The following PCDHA3 variants were observed in gnomAD, a reference collection of about 807,000 sequenced individuals.
PCDHA3 encodes the protein protocadherin alpha-3.
A neutral mutation model predicts 62.2 loss-of-function variants in PCDHA3; 41 were observed. The observed-to-expected ratio is 0.66, with a 90% CI of 0.51 to 0.86. PCDHA3 has a LOEUF of 0.86. Among genes scored for constraint, PCDHA3 ranks in the 40% least tolerant of loss-of-function variants. The pLI is 0.00. For missense variants in PCDHA3, 1,304 were observed against 1,241.2 expected (o/e 1.05, Z -0.76); for synonymous variants, 640 against 555.4 (o/e 1.15, Z -2.14).
intron 1 of PCDHA3, chr5:140,835,737 G>A: frequency 6.2e-7 from 1 of 1,613,716 alleles, no homozygotes; most frequent in Non-Finnish European, 8.5e-7. Flanking sequence ...GAACGACAAC[G>A]CCCCGGCGTT....
rs2150341086 is a variant in PCDHA3 at position 140,842,645 on chromosome 5, T to C, written c.2394+39054T>C. ...TTCGCTGTGGGCCACCGCCAGCTTG[T>C]CTGTGGAGGTGGCCGACGTGAACGA... On this transcript the variant is annotated intron_variant, in intron 1 of 3. Transcript: ENST00000522353. 5 of 1,595,026 alleles carry C rather than the reference T, an allele frequency of 3.1e-6. No individual in the cohort carries two copies. In the Admixed American group the frequency reaches 6.8e-5, roughly 22 times the overall value.
In PCDHA3 at chr5:140,858,081, C is replaced by G. The variant is rs782778779; in HGVS notation, c.2394+54490C>G. 1.0e-5 allele frequency: 16 copies of G among 1,597,646 alleles called. No individual in the cohort carries two copies. Among genetic ancestry groups the G allele is most frequent in the Admixed American group, 1.7e-5 (1 of 59,270 alleles). On this transcript the variant is annotated intron_variant, in intron 1 of 3. Transcript: ENST00000522353. The stretch of plus-strand genomic sequence containing the variant: ...GAGGGCAGCCAGGCACCCAAGGCCT[C>G]GTCGCGGGCTTCAGTGGGCGTGGCG...
chr5:140,865,517 T>C (rs1562593227), intron 1 of PCDHA3: 1 of 152,232 alleles, frequency 6.6e-6, no homozygotes, highest in African/African-American at 2.4e-5. Context: ...TTTATGGTGC[T>C]GGAATTCTCT....
intron 1 of PCDHA3, among the ~76,000 whole-genome samples, chr5:140,952,008 G>A (rs1427518321): frequency 6.6e-6 from 1 of 152,132 alleles, no homozygotes; most frequent in Non-Finnish European, 1.5e-5. Context: ...AAGAATTATA[G>A]GCCCCATGCA....
At chr5:140,974,690 T>G (rs2096636717) in intron 1 of PCDHA3, among the ~76,000 whole-genome samples, 4 of 152,236 alleles carry the variant, frequency 2.6e-5, no homozygotes, top group Admixed American at 2.6e-4. Context: ...TTTGTATTTT[T>G]GGGTTTCACC....
At chr5:140,842,886 C>A in intron 1 of PCDHA3, 1 of 1,594,202 alleles carries the variant, frequency 6.3e-7, no homozygotes, top group East Asian at 2.2e-5. Context: ...GCGCTGCAGC[C>A]GCTGGACCAC....
chr5:140,822,892 G>C, intron 1 of PCDHA3: 1 of 1,614,212 alleles, frequency 6.2e-7, no homozygotes, highest in Non-Finnish European at 8.5e-7. Context: ...TCTGATCAGC[G>C]TGTCTGACCG....
At chr5:140,849,651 A>T (rs2041019666) in intron 1 of PCDHA3, 1 of 1,598,758 alleles carries the variant, frequency 6.3e-7, no homozygotes, top group Non-Finnish European at 8.6e-7. Flanking sequence ...CGGGCAGGTT[A>T]CCTGCTCCCT....
intron 1 of PCDHA3, among the ~76,000 whole-genome samples, chr5:140,924,936 TAAAAA>T (rs2082205335): frequency 8.1e-6 from 1 of 123,442 alleles, no homozygotes; most frequent in East Asian, 2.8e-4. Context: ...TAAAATAAAA[TAAAAA>T]GTTAAAAAAA....
At chr5:140,942,338 G>A (rs1554214916) in intron 1 of PCDHA3, among the ~76,000 whole-genome samples, 1 of 152,042 alleles carries the variant, frequency 6.6e-6, no homozygotes, top group African/African-American at 2.4e-5. Flanking sequence ...TGAACCAGAG[G>A]GAGGCGGAGG....
chr5:140,891,440 G>T (rs1583052190), intron 1 of PCDHA3, among the ~76,000 whole-genome samples: 1 of 147,558 alleles, frequency 6.8e-6, no homozygotes, highest in Admixed American at 6.9e-5. Flanking sequence ...AACGTCCATT[G>T]TATAGGATTT....
intron 1 of PCDHA3, chr5:140,842,268 A>G (rs1554138931): frequency 2.5e-6 from 4 of 1,610,534 alleles, no homozygotes. Flanking sequence ...GAAAACTTAT[A>G]CAAAATCCTC....
chr5:140,841,843 T>A (rs1777535091), intron 1 of PCDHA3: 16 of 1,613,734 alleles, frequency 9.9e-6, no homozygotes, highest in Non-Finnish European at 1.4e-5. Context: ...GGCTTAGCTC[T>A]CATGATTACT....
intron 1 of PCDHA3, chr5:140,848,593 A>T: frequency 1.3e-6 from 2 of 1,593,964 alleles, no homozygotes; most frequent in Non-Finnish European, 1.7e-6. Context: ...CAGCTCCACT[A>T]CTCCGTCCCG....
rs1581639652 is a variant in PCDHA3 at position 140,801,107 on chromosome 5, G to A, written c.-91G>A. 6.6e-7 allele frequency: 1 copy of A among 1,509,026 alleles called. No homozygotes were observed. The highest frequency in any genetic ancestry group is 8.8e-7 in the Non-Finnish European group (1 of 1,134,966). 93.5% of individuals were successfully genotyped at this position (1,509,026 alleles called of 1,614,324 possible). A position where few individuals can be genotyped will look rare whatever the true frequency, so the allele number is the denominator to read the frequency against. On this transcript the variant is annotated 5_prime_UTR_variant, in exon 1 of 4. Transcript: ENST00000522353. Reference sequence around the variant, plus strand: ...TTCATCCTCTCTAAAATTTAACACCGAGGAGTTTAAGAAATGAAGATAAGG... The same window carrying A: ...TTCATCCTCTCTAAAATTTAACACCAAGGAGTTTAAGAAATGAAGATAAGG...
rs1311256758 is a variant in PCDHA3 at position 140,857,805 on chromosome 5, C to A, written c.2394+54214C>A. 13 of 1,597,714 alleles carry A rather than the reference C, an allele frequency of 8.1e-6. 1 individual carries two copies. The highest frequency in any genetic ancestry group is 1.7e-5 in the Admixed American group (1 of 59,256). On this transcript the variant is annotated intron_variant, in intron 1 of 3. Transcript: ENST00000522353. ...GAGCTGGTGCTGCGGTCGGTGGTTG[C>A]GGGTCACGTGGTGGCTAAGGTGCGC... is the stretch of plus-strand genomic sequence containing the variant.
At chr5:140,921,663 T>G (rs1427342485) in intron 1 of PCDHA3, among the ~76,000 whole-genome samples, 1 of 152,144 alleles carries the variant, frequency 6.6e-6, no homozygotes, top group Admixed American at 6.5e-5. Flanking sequence ...TAATAAAAAT[T>G]TAACAGTTAT....
At chr5:140,895,532 A>G (rs546443647) in intron 1 of PCDHA3, among the ~76,000 whole-genome samples, 1 of 152,172 alleles carries the variant, frequency 6.6e-6, no homozygotes, top group East Asian at 1.9e-4. Flanking sequence ...TCGTTTTTCA[A>G]TTGTTGAGTT....
chr5:140,828,407 C>G, intron 1 of PCDHA3: 2 of 1,614,262 alleles, frequency 1.2e-6, no homozygotes, highest in Non-Finnish European at 1.7e-6. Flanking sequence ...CAGCATCCAC[C>G]TGGAGGTGAT....
Sources: allele counts gnomAD v4.1 joint callset (sites outside exome capture counted in the v4.1 genomes callset), GRCh38; gene constraint gnomAD v4.1.1; transcripts MANE v1.5; gene names NCBI Gene and HGNC (gene_info 2026-07-23, HGNC 2026-07-21).